NCOA7: variants seen among roughly 807,000 people sequenced by gnomAD.
NCOA7 encodes 140 kDa estrogen receptor-associated protein.
Under a neutral mutation model 104.3 loss-of-function variants are expected in NCOA7, and 45 were observed. That is an observed-to-expected ratio of 0.43 (90% CI 0.34 to 0.55). The LOEUF (loss-of-function observed/expected upper bound fraction) is 0.55, where lower values mean the gene tolerates loss of function less well. NCOA7 is among the 20% of genes least tolerant of loss of function. The pLI is 0.02. For missense variants in NCOA7, 1,041 were observed against 1,119.7 expected, an observed-to-expected ratio of 0.93 and a Z score of 1.00; for synonymous variants, 398 against 402.3, an observed-to-expected ratio of 0.99 and a Z score of 0.13.
At position 125,915,411 on chromosome 6, in the gene NCOA7, G is replaced by A; in HGVS notation, c.2175G>A (p.Val725=). The stretch of plus-strand genomic sequence containing the variant: ...AAGATGCCAAAGAGCAAGGCTTTGT[G>A]GTGGTGGAGAAGGAAGAACTGAACA... ...YGKDAKEQGF[V]VVEKEELNMI... is the part of the protein sequence containing the mutation. Residue 725 remains valine, a synonymous_variant, in exon 11 of 16, where the codon GTG becomes GTA. Transcript: ENST00000392477. The A allele has an allele frequency of 6.2e-7, 1 of 1,613,920 alleles. No individual in the cohort carries two copies.
At chr6:125,919,728 C>T (rs932389695) in intron 11 of NCOA7, among the ~76,000 whole-genome samples, 8 of 152,048 alleles carry the variant, frequency 5.3e-5, no homozygotes, top group Non-Finnish European at 1.2e-4. Context: ...GTTTGTGATT[C>T]TTGATAGTGT....
At chr6:125,785,161 A>G (rs905288560) in intron 1 of NCOA7, among the ~76,000 whole-genome samples, 1 of 152,174 alleles carries the variant, frequency 6.6e-6, no homozygotes, top group African/African-American at 2.4e-5. Flanking sequence ...AACATGGTGA[A>G]ATCCCGTCTC....
rs1014660137 is a variant in NCOA7 at position 125,931,792 on chromosome 6, G to T, written c.*3021G>T. 1 of 152,118 alleles carries T rather than the reference G, an allele frequency of 6.6e-6. No homozygotes were observed. The highest frequency in any genetic ancestry group is 1.9e-4 in the East Asian group (1 of 5,198). The allele number at this position is 152,118 out of a possible 1,614,324, so 9.4% of individuals were successfully genotyped here. A position where few individuals can be genotyped will look rare whatever the true frequency, so the allele number is the denominator to read the frequency against. The stretch of plus-strand genomic sequence containing the variant: ...TTATAATCCCCACATGTTGAGGGAG[G>T]GACCTAGTGGGATGTGATTAGAACA... On this transcript the variant is annotated 3_prime_UTR_variant, in exon 16 of 16. Transcript: ENST00000392477.
At chr6:125,844,995 A>G (rs1311996834) in intron 2 of NCOA7, among the ~76,000 whole-genome samples, 2 of 152,174 alleles carry the variant, frequency 1.3e-5, no homozygotes, top group East Asian at 1.9e-4. Context: ...GGAGGCTATT[A>G]TTTTTATGTC....
intron 1 of NCOA7, among the ~76,000 whole-genome samples, chr6:125,806,934 TATTTAGGTGAGGTGTTGA>T (rs1394521950): frequency 6.6e-6 from 1 of 152,194 alleles, no homozygotes; most frequent in East Asian, 1.9e-4. Flanking sequence ...TTTACATATT[TATTTAGGTGAGGTGTTGA>T]ATTTGATAAG....
At chr6:125,818,597 G>C (rs2128576420) in intron 2 of NCOA7, among the ~76,000 whole-genome samples, 1 of 152,240 alleles carries the variant, frequency 6.6e-6, no homozygotes, top group South Asian at 2.1e-4. Flanking sequence ...AAGAGACAGA[G>C]AGAGAAACAC....
chr6:125,901,013 C>G (rs1408374224), intron 10 of NCOA7, among the ~76,000 whole-genome samples: 1 of 152,214 alleles, frequency 6.6e-6, no homozygotes, highest in Non-Finnish European at 1.5e-5. Flanking sequence ...CCCTACTGGG[C>G]TTCTGTAGCT....
intron 13 of NCOA7, among the ~76,000 whole-genome samples, chr6:125,924,348 CTT>C (rs1787840950): frequency 6.6e-6 from 1 of 152,210 alleles, no homozygotes; most frequent in African/African-American, 2.4e-5. Flanking sequence ...AGGTTGCAGT[CTT>C]GTCACTGGGT....
chr6:125,909,349 G>C (rs887847595), intron 10 of NCOA7, among the ~76,000 whole-genome samples: 1 of 152,208 alleles, frequency 6.6e-6, no homozygotes, highest in African/African-American at 2.4e-5. Flanking sequence ...CCAGAAGGGA[G>C]GCTTCATGAA....
At position 125,843,066 on chromosome 6, in the gene NCOA7, C is replaced by T. The variant is rs371892065; in HGVS notation, c.51-11954C>T. On this transcript the variant is annotated intron_variant, in intron 2 of 15. Coordinates refer to ENST00000392477, the MANE Select transcript of NCOA7 (RefSeq NM_181782.5). ...AGTGACCCCCAAAGATAGCCAGTTC[C>T]TAATCCCTGGTACCTGAGAATGTTA... Among the ~76,000 whole-genome samples the T allele has an allele frequency of 4.1e-4, 63 of 152,314 alleles. 1 individual carries two copies. The East Asian group carries it at 0.012, about 28-fold the overall frequency.
intron 10 of NCOA7, among the ~76,000 whole-genome samples, chr6:125,896,788 T>C (rs1451865041): frequency 6.6e-6 from 1 of 152,106 alleles, no homozygotes; most frequent in Non-Finnish European, 1.5e-5. Context: ...CAAGACCCTG[T>C]CTCCAAAAAT....
chr6:125,784,213 G>A (rs1372105952), intron 1 of NCOA7, among the ~76,000 whole-genome samples: 1 of 152,066 alleles, frequency 6.6e-6, no homozygotes, highest in African/African-American at 2.4e-5. Context: ...TGTTTATTAA[G>A]CTATTCATTC....
chr6:125,843,398 A>G (rs577757071), intron 2 of NCOA7, among the ~76,000 whole-genome samples: 184 of 152,318 alleles, frequency 1.2e-3, no homozygotes, highest in African/African-American at 4.3e-3. Context: ...GAACTGTAAG[A>G]GAATAAATGT....
intron 2 of NCOA7, among the ~76,000 whole-genome samples, chr6:125,826,378 T>C (rs1028715340): frequency 6.6e-6 from 1 of 151,962 alleles, no homozygotes; most frequent in Non-Finnish European, 1.5e-5. Flanking sequence ...TCATTTAAAA[T>C]GAAAAATTAC....
Position 125,922,114 on chromosome 6 carries a change from G to A in NCOA7, c.2371-568G>A, listed in dbSNP as rs111458750. ...CACTCTGAAGACTCAGCACTTCATG[G>A]CCTCCTTTGGTAATATTCTTGAAGA... On this transcript the variant is annotated intron_variant, in intron 12 of 15. Coordinates refer to ENST00000392477, the MANE Select transcript of NCOA7 (RefSeq NM_181782.5). 4.4e-3 allele frequency among the ~76,000 whole-genome samples: 674 copies of A among 152,268 alleles called. 5 individuals carry two copies. Among genetic ancestry groups the A allele is most frequent in the African/African-American group, 0.015 (631 of 41,534 alleles).
intron 15 of NCOA7, 84 bp from the exon 16 acceptor site, chr6:125,928,552 G>A (rs1788241577): frequency 6.8e-7 from 1 of 1,477,772 alleles, no homozygotes; most frequent in South Asian, 1.4e-5. Context: ...TAGTATAAAG[G>A]AAAGAAGATG....
intron 2 of NCOA7, among the ~76,000 whole-genome samples, chr6:125,818,269 A>G (rs1208650138): frequency 6.6e-6 from 1 of 152,144 alleles, no homozygotes; most frequent in South Asian, 2.1e-4. Flanking sequence ...TCTTGTTCCT[A>G]AAATGTAGAG....
intron 2 of NCOA7, among the ~76,000 whole-genome samples, chr6:125,845,024 G>GCA (rs1274098987): frequency 2.0e-5 from 3 of 152,188 alleles, no homozygotes; most frequent in Non-Finnish European, 4.4e-5. Flanking sequence ...CAAACCTGAG[G>GCA]CTTAGATTTG....
intron 1 of NCOA7, among the ~76,000 whole-genome samples, chr6:125,782,437 T>A (rs751322443): frequency 6.6e-6 from 1 of 152,248 alleles, no homozygotes; most frequent in Non-Finnish European, 1.5e-5. Context: ...TTCCACATTG[T>A]CATTTATTAT....
Sources: gnomAD v4.1 joint callset for allele counts (sites outside exome capture counted in the v4.1 genomes callset) on GRCh38, gnomAD v4.1.1 for gene constraint, MANE v1.5 for transcripts, NCBI Gene and HGNC (gene_info 2026-07-23, HGNC 2026-07-21) for gene names.